Variants in SLC35F4 observed in about 807,000 individuals in gnomAD.
SLC35F4 encodes the protein chromosome 14 open reading frame 36.
A neutral mutation model predicts 44.2 loss-of-function variants in SLC35F4; 24 were observed. The ratio of observed to expected loss-of-function variants is 0.54; its 90% confidence interval spans 0.39 to 0.76. The LOEUF is 0.76. Among genes scored for constraint, SLC35F4 ranks in the 30% least tolerant of loss-of-function variants. The probability of loss-of-function intolerance (pLI) is 0.00; values close to 1 mark genes in which losing one functional copy is unlikely to be tolerated. For synonymous variants in SLC35F4, 238 were observed against 223.6 expected (o/e 1.06, Z -0.57); for missense variants, 562 against 586.1 (o/e 0.96, Z 0.42).
chr14:57,963,376 G>A (rs1890373926), intron 1 of SLC35F4, among the ~76,000 whole-genome samples: 1 of 152,158 alleles, frequency 6.6e-6, no homozygotes, highest in South Asian at 2.1e-4. Context: ...CCCTCACAGG[G>A]CAAAGGACAG....
rs185128957 is a variant in SLC35F4 at position 57,651,786 on chromosome 14, C to T, written c.104-57662G>A. Among the ~76,000 whole-genome samples the T allele has an allele frequency of 1.4e-4, 22 of 152,202 alleles. No individual in the cohort carries two copies. The East Asian group carries it at 2.3e-3, about 16-fold the overall frequency. On this transcript the variant is annotated intron_variant, in intron 1 of 7. Transcript: ENST00000556826. ...TAGTTCTGAGCTTCCAGGTCTAAGA[C>T]GGCTGGAGGGAGCAGAGGGGCGTGA...
chr14:57,736,569 C>A (rs1566808162), intron 1 of SLC35F4, among the ~76,000 whole-genome samples: 1 of 152,118 alleles, frequency 6.6e-6, no homozygotes, highest in Non-Finnish European at 1.5e-5. Context: ...ATTCAACAGG[C>A]CCCGACAAGG....
chr14:57,801,822 A>G (rs1226709564), intron 1 of SLC35F4, among the ~76,000 whole-genome samples: 1 of 152,238 alleles, frequency 6.6e-6, no homozygotes, highest in Non-Finnish European at 1.5e-5. Flanking sequence ...AGAAGCACTC[A>G]GATTCATAAA....
intron 1 of SLC35F4, among the ~76,000 whole-genome samples, chr14:57,750,413 G>T (rs947573789): frequency 7.2e-5 from 11 of 152,026 alleles, no homozygotes; most frequent in African/African-American, 2.7e-4. Context: ...CCCAGTAGTG[G>T]GATTGCTGGA....
At chr14:57,964,257 G>T (rs565123849) in intron 1 of SLC35F4, among the ~76,000 whole-genome samples, 6 of 152,240 alleles carry the variant, frequency 3.9e-5, no homozygotes, top group Admixed American at 6.5e-5. Flanking sequence ...TCACCCACTT[G>T]TAACAATCCA....
intron 1 of SLC35F4, among the ~76,000 whole-genome samples, chr14:57,781,891 A>G (rs907959921): frequency 6.6e-6 from 1 of 152,132 alleles, no homozygotes; most frequent in Non-Finnish European, 1.5e-5. Flanking sequence ...GAGAGGAACA[A>G]CAGACACTAG....
chr14:57,565,299 C>G (rs1306788912), intron 7 of SLC35F4, among the ~76,000 whole-genome samples: 1 of 151,452 alleles, frequency 6.6e-6, no homozygotes, highest in African/African-American at 2.4e-5. Context: ...CATGAGCTAC[C>G]CTTCACTCCT....
chr14:57,689,813 C>T (rs1241442065), intron 1 of SLC35F4, among the ~76,000 whole-genome samples: 1 of 151,604 alleles, frequency 6.6e-6, no homozygotes, highest in African/African-American at 2.4e-5. Flanking sequence ...GTGCGGCACA[C>T]CAATATGGCA....
chr14:57,934,127 A>T (rs931834976), intron 1 of SLC35F4, among the ~76,000 whole-genome samples: 3 of 151,998 alleles, frequency 2.0e-5, no homozygotes, highest in Admixed American at 1.3e-4. Flanking sequence ...AGTTATTTTT[A>T]AAATTACTTC....
At chr14:57,877,952 T>A (rs1405009946) in intron 1 of SLC35F4, among the ~76,000 whole-genome samples, 1 of 152,142 alleles carries the variant, frequency 6.6e-6, no homozygotes, top group African/African-American at 2.4e-5. Flanking sequence ...CCCAAAGTGC[T>A]GGGATTACAG....
At chr14:57,937,239 T>C (rs2141069859) in intron 1 of SLC35F4, among the ~76,000 whole-genome samples, 1 of 152,184 alleles carries the variant, frequency 6.6e-6, no homozygotes. Flanking sequence ...AGCTAATTTT[T>C]GTATTTTTAC....
intron 1 of SLC35F4, among the ~76,000 whole-genome samples, chr14:57,784,406 G>C (rs538195750): frequency 6.6e-6 from 1 of 152,304 alleles, no homozygotes; most frequent in East Asian, 1.9e-4. Context: ...TTTTAGGGCT[G>C]GGTGTACTGG....
At chr14:57,682,215 G>A (rs1416374722) in intron 1 of SLC35F4, among the ~76,000 whole-genome samples, 1 of 152,070 alleles carries the variant, frequency 6.6e-6, no homozygotes, top group Non-Finnish European at 1.5e-5. Flanking sequence ...TTGTGGCACT[G>A]TTCACAATAG....
At chr14:57,676,270 G>A (rs752401672) in intron 1 of SLC35F4, among the ~76,000 whole-genome samples, 3 of 152,104 alleles carry the variant, frequency 2.0e-5, no homozygotes, top group South Asian at 2.1e-4. Context: ...ACTAGATCAT[G>A]TCCTTTGCAG....
intron 1 of SLC35F4, among the ~76,000 whole-genome samples, chr14:57,686,545 C>CT (rs1056006514): frequency 1.3e-5 from 2 of 152,106 alleles, no homozygotes; most frequent in African/African-American, 4.8e-5. Flanking sequence ...GCATGAGAGC[C>CT]TTTTTTTCTG....
rs543491536 is a variant in SLC35F4 at position 57,906,960 on chromosome 14, T to G, written n.282+74953A>C. Among the ~76,000 whole-genome samples, 3 of 152,362 alleles carry G rather than the reference T, an allele frequency of 2.0e-5. No homozygotes were observed. The East Asian group carries it at 5.8e-4, about 29-fold the overall frequency. On this transcript the variant is annotated intron_variant and non_coding_transcript_variant, in intron 1 of 1. Transcript: ENST00000556568. ...CACAGTGTCTCTTTGACCTTCCCTT[T>G]GCTTTCCAATAACCAATATTCTTCA...
intron 1 of SLC35F4, among the ~76,000 whole-genome samples, chr14:57,943,808 G>T (rs1002816219): frequency 3.9e-5 from 6 of 152,196 alleles, no homozygotes; most frequent in African/African-American, 1.4e-4. Flanking sequence ...ATCCCCAGTG[G>T]TCCCTCCTCG....
At chr14:57,831,783 A>G (rs927103723) in intron 1 of SLC35F4, among the ~76,000 whole-genome samples, 8 of 152,190 alleles carry the variant, frequency 5.3e-5, no homozygotes, top group African/African-American at 1.9e-4. Context: ...CATTAACTTT[A>G]TCTTTATATT....
At chr14:57,719,434 G>A (rs894568696) in intron 1 of SLC35F4, among the ~76,000 whole-genome samples, 23 of 152,242 alleles carry the variant, frequency 1.5e-4, no homozygotes, top group Admixed American at 1.3e-4. Context: ...TAACAATATT[G>A]ATTCTTTCAA....
Sources: gnomAD v4.1 joint callset for allele counts (sites outside exome capture counted in the v4.1 genomes callset) on GRCh38, gnomAD v4.1.1 for gene constraint, MANE v1.5 for transcripts, NCBI Gene and HGNC (gene_info 2026-07-23, HGNC 2026-07-21) for gene names.